Variants in CFHR4 observed in about 807,000 individuals in gnomAD.
CFHR4 encodes complement factor H-related protein 4.
In CFHR4, 64 loss-of-function variants were observed where a neutral mutation model predicts 69.3. The ratio of observed to expected loss-of-function variants is 0.92; its 90% CI spans 0.76 to 1.14. The LOEUF (loss-of-function observed/expected upper bound fraction) is 1.14. Ranked by LOEUF, CFHR4 falls within the 50% of genes most tolerant of loss-of-function variation. The probability of loss-of-function intolerance (pLI) is 0.00; values close to 1 mark genes in which losing one functional copy is unlikely to be tolerated. For missense variants in CFHR4, 636 were observed against 684.9 expected (o/e 0.93, Z 0.80); for synonymous variants, 244 against 237.0 (o/e 1.03, Z -0.27).
rs1658503600 is a variant in CFHR4 at position 196,914,863 on chromosome 1, T to C, written c.1358-93T>C. The C allele has an allele frequency of 1.9e-5, 28 of 1,501,716 alleles. 1 individual carries two copies. In the South Asian group the frequency reaches 2.4e-4, roughly 13 times the overall value. The allele number at this position is 1,501,716 out of a possible 1,614,324, so 93.0% of individuals were successfully genotyped here. A position where few individuals can be genotyped will look rare whatever the true frequency, so the allele number is the denominator to read the frequency against. On this transcript the variant is annotated intron_variant, in intron 8 of 9. Coordinates refer to ENST00000608469, the MANE Select transcript of CFHR4 (RefSeq NM_001201550.3). ...GCAGATGTCTTCCTAAGAAATCAAA[T>C]AAGATACAGTTAAGAGTATATAAAA...
intron 7 of CFHR4, among the ~76,000 whole-genome samples, chr1:196,913,964 T>A (rs1038789261): frequency 6.6e-6 from 1 of 151,548 alleles, no homozygotes; most frequent in African/African-American, 2.4e-5. Context: ...GAAAAAGGTG[T>A]ATACTTCAAT....
intron 1 of CFHR4, among the ~76,000 whole-genome samples, chr1:196,901,796 T>C (rs1013200517): frequency 1.3e-5 from 2 of 151,126 alleles, no homozygotes; most frequent in African/African-American, 4.9e-5. Context: ...TATTTTCTAA[T>C]CAAAATTAAA....
chr1:196,889,194 C>T (rs1001336219), intron 1 of CFHR4, among the ~76,000 whole-genome samples: 2 of 151,438 alleles, frequency 1.3e-5, no homozygotes, highest in Non-Finnish European at 2.9e-5. Flanking sequence ...AGCTATGCCA[C>T]TTTATTTGAT....
chr1:196,896,515 C>G (rs1657304289), intron 1 of CFHR4, among the ~76,000 whole-genome samples: 1 of 151,596 alleles, frequency 6.6e-6, no homozygotes, highest in African/African-American at 2.4e-5. Flanking sequence ...ACCCAGCAAT[C>G]AGAGCACAAA....
chr1:196,910,884 C>A (rs778881517), intron 6 of CFHR4, among the ~76,000 whole-genome samples: 23 of 151,278 alleles, frequency 1.5e-4, no homozygotes, highest in Non-Finnish European at 2.6e-4. Context: ...TCCTAATCTA[C>A]CTTTTAATCA....
chr1:196,893,847 G>A (rs555771905), intron 1 of CFHR4, among the ~76,000 whole-genome samples: 1 of 151,556 alleles, frequency 6.6e-6, no homozygotes, highest in East Asian at 1.9e-4. Context: ...CAAAGTTTAT[G>A]TCTTGTTCAC....
intron 1 of CFHR4, among the ~76,000 whole-genome samples, chr1:196,890,340 G>T (rs2124931350): frequency 6.6e-6 from 1 of 151,582 alleles, no homozygotes; most frequent in Admixed American, 6.6e-5. Context: ...CCTATGCTAA[G>T]AAACTTTGTT....
chr1:196,908,821 A>G (rs1235323270), intron 5 of CFHR4, among the ~76,000 whole-genome samples: 3 of 151,556 alleles, frequency 2.0e-5, no homozygotes, highest in African/African-American at 7.3e-5. Context: ...TCCTAAGTAC[A>G]GGATGATACA....
intron 5 of CFHR4, among the ~76,000 whole-genome samples, chr1:196,909,741 T>C (rs901071151): frequency 4.6e-5 from 7 of 151,328 alleles, no homozygotes; most frequent in African/African-American, 1.7e-4. Flanking sequence ...ACCTAGCGTA[T>C]GGGTTGATAG....
At chr1:196,910,566 TGACAGAGA>T in intron 6 of CFHR4, 88 bp downstream of exon 6, 1 of 1,089,826 alleles carries the variant, frequency 9.2e-7, no homozygotes, top group South Asian at 1.5e-5. Flanking sequence ...TTGTCTTATA[TGACAGAGA>T]TGGTACCAAA....
intron 3 of CFHR4, 97 bp downstream of exon 3, chr1:196,905,387 G>A (rs1657855784): frequency 3.3e-6 from 5 of 1,500,250 alleles, no homozygotes; most frequent in Non-Finnish European, 3.6e-6. Flanking sequence ...ACACTTTTAG[G>A]AGTAAAGAGA....
chr1:196,918,266 A>G lies in CFHR4; in HGVS notation c.1597A>G (p.Lys533Glu). The change falls in exon 10 of 10, where the codon AAA (lysine) becomes GAA (glutamate). Residue 533 changes from lysine to glutamate, a missense_variant. Transcript: ENST00000608469. ...MNKNNIQLKG[K>E]SDIKYYAKTG... ...TAAAAATAACATACAGTTAAAAGGA[A>G]AAAGTGACATAAAATATTATGCAAA... 1 of 1,608,396 alleles carries G rather than the reference A, an allele frequency of 6.2e-7. No homozygotes were observed. Among genetic ancestry groups the G allele is most frequent in the Non-Finnish European group, 8.5e-7 (1 of 1,176,120 alleles).
At chr1:196,895,691 T>G (rs1318816938) in intron 1 of CFHR4, among the ~76,000 whole-genome samples, 3 of 151,524 alleles carry the variant, frequency 2.0e-5, no homozygotes, top group African/African-American at 7.3e-5. Context: ...CTTTCTTTAC[T>G]TCTTTCAGTA....
chr1:196,907,256 A>C, intron 4 of CFHR4, 60 bp from the exon 5 acceptor site: 1 of 1,436,322 alleles, frequency 7.0e-7, no homozygotes, highest in Non-Finnish European at 9.8e-7. Flanking sequence ...AAAAAGCTTT[A>C]TTCAGAAAGT....
chr1:196,890,649 G>C (rs1656974906), intron 1 of CFHR4, among the ~76,000 whole-genome samples: 1 of 151,416 alleles, frequency 6.6e-6, no homozygotes, highest in Admixed American at 6.6e-5. Flanking sequence ...GAGCAGGATT[G>C]CTTCTAAATC....
chr1:196,901,296 C>G (rs1296525000), intron 1 of CFHR4, among the ~76,000 whole-genome samples: 1 of 151,134 alleles, frequency 6.6e-6, no homozygotes, highest in Non-Finnish European at 1.5e-5. Flanking sequence ...GAAATATGGA[C>G]TGTAGGCCAA....
intron 9 of CFHR4, among the ~76,000 whole-genome samples, chr1:196,916,173 G>A (rs1361163426): frequency 6.6e-6 from 1 of 151,214 alleles, no homozygotes; most frequent in Non-Finnish European, 1.5e-5. Context: ...TGTCCCCCAA[G>A]TACTATGAAC....
At chr1:196,893,324 G>A (rs1657129038) in intron 1 of CFHR4, among the ~76,000 whole-genome samples, 1 of 151,602 alleles carries the variant, frequency 6.6e-6, no homozygotes, top group Admixed American at 6.6e-5. Context: ...CAGTGAAGCA[G>A]GTAACAGTAT....
chr1:196,915,071 T>C lies in CFHR4; in HGVS notation c.1473T>C (p.Tyr491=), dbSNP rs376966722. The C allele has an allele frequency of 8.7e-6, 14 of 1,613,434 alleles. No homozygotes were observed. The African/African-American group carries it at 1.3e-4, about 15-fold the overall frequency. The stretch of plus-strand genomic sequence containing the variant: ...TCGAGTACCAATGCCAGTCCTACTA[T>C]GAACTTCAGGGTTCTAATTATGTAA... The part of the protein sequence containing the change: ...SRVEYQCQSY[Y]ELQGSNYVTC... The change falls in exon 9 of 10, where the codon TAT becomes TAC. Residue 491 remains tyrosine (Y), a synonymous_variant. Coordinates refer to ENST00000608469, the MANE Select transcript of CFHR4 (RefSeq NM_001201550.3).
Sources: gnomAD v4.1 joint callset for allele counts (sites outside exome capture counted in the v4.1 genomes callset) on GRCh38, gnomAD v4.1.1 for gene constraint, MANE v1.5 for transcripts, NCBI Gene and HGNC (gene_info 2026-07-23, HGNC 2026-07-21) for gene names.